Variants in RAB3GAP1 observed in about 807,000 individuals in gnomAD.
RAB3GAP1 encodes the protein RAB3 GTPase activating protein catalytic subunit 1, also known as rab3 GTPase-activating protein catalytic subunit.
In RAB3GAP1, 86 loss-of-function variants were observed where a neutral mutation model predicts 130.7. That is an observed-to-expected ratio of 0.66 (90% CI 0.55 to 0.79). The LOEUF is 0.79. Among genes scored for constraint, RAB3GAP1 ranks in the 30% least tolerant of loss-of-function variants. The probability of loss-of-function intolerance (pLI) is 0.00; values close to 1 mark genes in which losing one functional copy is unlikely to be tolerated. For synonymous variants in RAB3GAP1, 367 were observed against 401.7 expected (o/e 0.91, Z 1.03); for missense variants, 1,029 against 1,169.4 (o/e 0.88, Z 1.75).
At chr2:135,076,501 A>T (rs1411857582) in intron 3 of RAB3GAP1, among the ~76,000 whole-genome samples, 2 of 152,124 alleles carry the variant, frequency 1.3e-5, no homozygotes, top group Non-Finnish European at 2.9e-5. Flanking sequence ...TTTTGATGGC[A>T]TGTTAGATAT....
At chr2:135,052,628 T>C in intron 2 of RAB3GAP1, 143 bp downstream of exon 2, 1 of 977,502 alleles carries the variant, frequency 1.0e-6, no homozygotes. Context: ...CCCCCAGTCT[T>C]CTTTGGTCAA....
intron 3 of RAB3GAP1, among the ~76,000 whole-genome samples, chr2:135,082,980 A>AGATTACTT (rs1281569953): frequency 6.6e-6 from 1 of 152,102 alleles, no homozygotes; most frequent in African/African-American, 2.4e-5. Flanking sequence ...AATCCTCTCT[A>AGATTACTT]GATTACTTAT....
chr2:135,055,372 C>T (rs1688979965), intron 2 of RAB3GAP1, among the ~76,000 whole-genome samples: 1 of 152,136 alleles, frequency 6.6e-6, no homozygotes, highest in South Asian at 2.1e-4. Flanking sequence ...ATTATTCATA[C>T]AATAAGTATT....
chr2:135,162,316 C>A, intron 19 of RAB3GAP1: 1 of 465,384 alleles, frequency 2.1e-6, no homozygotes, highest in Non-Finnish European at 3.8e-6. Flanking sequence ...TTGTATTTTC[C>A]TTATTTGTGT....
intron 3 of RAB3GAP1, among the ~76,000 whole-genome samples, chr2:135,068,807 A>C (rs576320908): frequency 5.9e-5 from 9 of 152,338 alleles, no homozygotes; most frequent in African/African-American, 2.2e-4. Context: ...TGTTTGATGT[A>C]ATGAAATTTC....
At chr2:135,081,325 AAAAT>A (rs1315095060) in intron 3 of RAB3GAP1, among the ~76,000 whole-genome samples, 1 of 77,998 alleles carries the variant, frequency 1.3e-5, no homozygotes. Context: ...AAAAAAAAAA[AAAAT>A]ATATATATAT....
chr2:135,112,112 C>A (rs565324789), intron 5 of RAB3GAP1, among the ~76,000 whole-genome samples: 6 of 152,160 alleles, frequency 3.9e-5, no homozygotes. Flanking sequence ...CCACGATGGC[C>A]CAGCCCCACC....
In RAB3GAP1 at chr2:135,097,121, T is replaced by C. The variant is rs182527573; in HGVS notation, c.362+3428T>C. 7.5e-3 allele frequency among the ~76,000 whole-genome samples: 1,134 copies of C among 151,698 alleles called. 4 individuals carry two copies. The highest frequency in any genetic ancestry group is 0.051 in the Middle Eastern group (15 of 294). On this transcript the variant is annotated intron_variant, in intron 5 of 23. Coordinates refer to ENST00000264158, the MANE Select transcript of RAB3GAP1 (RefSeq NM_012233.3). ...TTTTACTAGTATCAAAATCAGGAGA[T>C]AGAACAGTTCTATAACACCCCCTCA...
rs1234545261 is a variant in RAB3GAP1 at position 135,113,353 on chromosome 2, C to G, written c.482+83C>G. On this transcript the variant is annotated intron_variant, in intron 6 of 23. Transcript: ENST00000264158. ...AAGGCAAACAGTTATTAAATGTTAG[C>G]TTTTTAACTGTAATTAGGAACTTAG... is the stretch of plus-strand genomic sequence containing the variant. 3 of 1,542,728 alleles carry G rather than the reference C, an allele frequency of 1.9e-6. No homozygotes were observed. In the African/African-American group the frequency reaches 4.1e-5, roughly 21 times the overall value.
chr2:135,108,782 A>AT (rs1351749397), intron 5 of RAB3GAP1, among the ~76,000 whole-genome samples: 2 of 152,234 alleles, frequency 1.3e-5, no homozygotes, highest in East Asian at 3.9e-4. Context: ...AGTTATCTAG[A>AT]TTTTATTCTG....
At chr2:135,090,954 TATTG>T (rs772865448) in intron 3 of RAB3GAP1, 40 bp from the exon 4 acceptor site, 1 of 1,538,192 alleles carries the variant, frequency 6.5e-7, no homozygotes, top group Non-Finnish European at 9.0e-7. Flanking sequence ...TAATGATAGC[TATTG>T]ATTAAGGTAA....
intron 19 of RAB3GAP1, among the ~76,000 whole-genome samples, chr2:135,160,722 CA>C (rs1262952799): frequency 7.6e-6 from 1 of 132,208 alleles, no homozygotes; most frequent in Non-Finnish European, 1.6e-5. Context: ...GATCAGTTGA[CA>C]AAACTGCAAT....
At chr2:135,130,926 AGG>A (rs1175378585) in intron 13 of RAB3GAP1, among the ~76,000 whole-genome samples, 54 of 152,224 alleles carry the variant, frequency 3.5e-4, no homozygotes, top group Non-Finnish European at 7.1e-4. Context: ...AAATCTGGCA[AGG>A]GGGCTGTGAG....
chr2:135,087,514 A>G (rs7591206), intron 3 of RAB3GAP1, among the ~76,000 whole-genome samples: 4,115 of 152,226 alleles, frequency 0.027, 164 homozygotes, highest in African/African-American at 0.092. Flanking sequence ...CTTTCAATCC[A>G]TGTATGTGAT....
Position 135,115,359 on chromosome 2 carries a change from T to G in RAB3GAP1, c.626T>G (p.Leu209Arg). The change falls in exon 7 of 24, where the codon CTG becomes CGG. Residue 209 changes from leucine to arginine, a missense_variant. Leu to Arg is a moderately radical substitution (Grantham distance 102). Coordinates refer to ENST00000264158, the MANE Select transcript of RAB3GAP1 (RefSeq NM_012233.3). ...CAGTACACTCACTTATCAGGTCTGC[T>G]GGATATCTTCAAATCAAAGATTGTG... The part of the protein sequence containing the change: ...PNQYTHLSGL[L>R]DIFKSKIGCP... 1 of 1,612,096 alleles carries G rather than the reference T, an allele frequency of 6.2e-7. No homozygotes were observed.
At chr2:135,108,979 T>C (rs1386061238) in intron 5 of RAB3GAP1, among the ~76,000 whole-genome samples, 2 of 152,324 alleles carry the variant, frequency 1.3e-5, no homozygotes, top group East Asian at 1.9e-4. Flanking sequence ...CAGAGATTAG[T>C]TGACTATATT....
chr2:135,086,686 T>TTTTTTTG (rs1689994801), intron 3 of RAB3GAP1, among the ~76,000 whole-genome samples: 1 of 126,720 alleles, frequency 7.9e-6, no homozygotes, highest in Non-Finnish European at 1.6e-5. Flanking sequence ...TTTTTTTTTT[T>TTTTTTTG]CCTTAGAGAT....
chr2:135,089,862 C>T, intron 3 of RAB3GAP1: 2 of 397,080 alleles, frequency 5.0e-6, no homozygotes, highest in South Asian at 3.6e-5. Flanking sequence ...TGCATGTTCT[C>T]ACTCATAAGT....
At chr2:135,074,032 C>G (rs767544523) in intron 3 of RAB3GAP1, among the ~76,000 whole-genome samples, 3 of 152,132 alleles carry the variant, frequency 2.0e-5, no homozygotes, top group Non-Finnish European at 2.9e-5. Flanking sequence ...GGCACTAGGG[C>G]CTTACACTGG....
Sources: allele counts gnomAD v4.1 joint callset (sites outside exome capture counted in the v4.1 genomes callset), GRCh38; gene constraint gnomAD v4.1.1; transcripts MANE v1.5; gene names NCBI Gene and HGNC (gene_info 2026-07-23, HGNC 2026-07-21).